ARB2A: variants seen among roughly 807,000 people sequenced by gnomAD.
ARB2A encodes the protein ARB2 cotranscriptional regulator A, also known as cotranscriptional regulator ARB2A.
At chr5:93,885,444 C>T in the ARB2A span, among the ~76,000 whole-genome samples, 1 of 151,528 alleles carries the variant, frequency 6.6e-6, no homozygotes, top group Non-Finnish European at 1.5e-5. Context: ...CATCGAAACC[C>T]TTTCTCTTAT....
chr5:94,073,715 T>A, the ARB2A span, among the ~76,000 whole-genome samples: 1 of 152,092 alleles, frequency 6.6e-6, no homozygotes, highest in Non-Finnish European at 1.5e-5. Flanking sequence ...TGTCCATTAT[T>A]CTGAGCGTGC....
At chr5:93,762,332 T>A in the ARB2A span, among the ~76,000 whole-genome samples, 1 of 152,052 alleles carries the variant, frequency 6.6e-6, no homozygotes, top group Admixed American at 6.6e-5. Context: ...CTGACTAGAA[T>A]AACCAATGCA....
At chr5:93,794,668 T>C in the ARB2A span, among the ~76,000 whole-genome samples, 1 of 152,192 alleles carries the variant, frequency 6.6e-6, no homozygotes, top group Non-Finnish European at 1.5e-5. Context: ...AGAGCTGCAC[T>C]GTAGTTGTTT....
the ARB2A span, among the ~76,000 whole-genome samples, chr5:93,685,337 A>G: frequency 6.6e-6 from 1 of 152,220 alleles, no homozygotes; most frequent in East Asian, 1.9e-4. Flanking sequence ...TAAAGACAAC[A>G]TAAGTAATGA....
At chr5:94,089,899 T>A in the ARB2A span, among the ~76,000 whole-genome samples, 1 of 152,184 alleles carries the variant, frequency 6.6e-6, no homozygotes, top group African/African-American at 2.4e-5. Flanking sequence ...ATTCTTTCCC[T>A]TTCAAAACGA....
chr5:94,021,788 C>G, the ARB2A span, among the ~76,000 whole-genome samples: 8 of 152,268 alleles, frequency 5.3e-5, no homozygotes, highest in Non-Finnish European at 1.2e-4. Context: ...AATTCTCTTC[C>G]AGGCCAGGCG....
At chr5:93,635,459 G>GTTTTTTTTTTTTTTTTTTTT in the ARB2A span, among the ~76,000 whole-genome samples, 34 of 128,908 alleles carry the variant, frequency 2.6e-4, 1 homozygote, top group African/African-American at 1.0e-3. Flanking sequence ...TTATACGAAA[G>GTTTTTTTTTTTTTTTTTTTT]TTTTTTTTTT....
At chr5:93,745,093 A>T in the ARB2A span, among the ~76,000 whole-genome samples, 1 of 152,252 alleles carries the variant, frequency 6.6e-6, no homozygotes, top group South Asian at 2.1e-4. Flanking sequence ...GATTTTTATT[A>T]TTAGGTTCTC....
the ARB2A span, among the ~76,000 whole-genome samples, chr5:93,680,397 C>T: frequency 6.6e-6 from 1 of 151,960 alleles, no homozygotes; most frequent in African/African-American, 2.4e-5. Flanking sequence ...TCTCAGAGAA[C>T]TTAAGTGATT....
chr5:93,801,826 C>T, the ARB2A span, among the ~76,000 whole-genome samples: 2 of 152,126 alleles, frequency 1.3e-5, no homozygotes, highest in Non-Finnish European at 2.9e-5. Flanking sequence ...ATAGGAACTG[C>T]TGAATACACA....
At chr5:93,716,363 AC>A in the ARB2A span, among the ~76,000 whole-genome samples, 3 of 152,220 alleles carry the variant, frequency 2.0e-5, no homozygotes, top group African/African-American at 7.2e-5. Context: ...AACATTTATT[AC>A]ATCTTTATCT....
the ARB2A span, among the ~76,000 whole-genome samples, chr5:94,091,001 AC>A: frequency 6.6e-6 from 1 of 152,232 alleles, no homozygotes; most frequent in Non-Finnish European, 1.5e-5. Context: ...ATTAAAAAAA[AC>A]ATAGTGAGAA....
chr5:93,947,171 T>C, the ARB2A span, among the ~76,000 whole-genome samples: 2 of 152,220 alleles, frequency 1.3e-5, no homozygotes, highest in African/African-American at 4.8e-5. Flanking sequence ...GGATTTATTC[T>C]AGGTTGTAAA....
the ARB2A span, among the ~76,000 whole-genome samples, chr5:94,006,495 C>T: frequency 6.6e-6 from 1 of 152,234 alleles, no homozygotes; most frequent in East Asian, 1.9e-4. Flanking sequence ...TGATGTTGTA[C>T]TATCAGTTTG....
the ARB2A span, among the ~76,000 whole-genome samples, chr5:93,987,621 T>G: frequency 6.6e-6 from 1 of 152,334 alleles, no homozygotes; most frequent in Non-Finnish European, 1.5e-5. Flanking sequence ...TCGGCATATC[T>G]TTGAGAAAAT....
the ARB2A span, among the ~76,000 whole-genome samples, chr5:93,851,953 C>T: frequency 6.6e-6 from 1 of 152,116 alleles, no homozygotes; most frequent in African/African-American, 2.4e-5. Flanking sequence ...ATTTATAGTC[C>T]TTTGTGTATA....
chr5:93,644,426 T>TAC, the ARB2A span, among the ~76,000 whole-genome samples: 6 of 152,020 alleles, frequency 3.9e-5, no homozygotes, highest in East Asian at 1.9e-4. Flanking sequence ...ATTAATATTT[T>TAC]ACACACACAC....
chr5:94,005,758 G>C, the ARB2A span, among the ~76,000 whole-genome samples: 1 of 152,124 alleles, frequency 6.6e-6, no homozygotes, highest in South Asian at 2.1e-4. Context: ...AGGATACACA[G>C]GTGTTGAGTA....
At chr5:94,085,206 T>C in the ARB2A span, among the ~76,000 whole-genome samples, 5 of 152,200 alleles carry the variant, frequency 3.3e-5, no homozygotes, top group African/African-American at 1.2e-4. Flanking sequence ...TCACGAAATG[T>C]TTCCATCATC....
Sources: allele counts gnomAD v4.1 joint callset (sites outside exome capture counted in the v4.1 genomes callset), GRCh38; gene constraint gnomAD v4.1.1; transcripts MANE v1.5; gene names NCBI Gene and HGNC (gene_info 2026-07-23, HGNC 2026-07-21).